The following LMNA variants were observed in gnomAD, a reference collection of about 807,000 sequenced individuals.
LMNA encodes the protein lamin A/C.
Under a neutral mutation model 70.4 loss-of-function variants are expected in LMNA, and 20 were observed. The ratio of observed to expected loss-of-function variants is 0.28; its 90% CI spans 0.20 to 0.41. The LOEUF (loss-of-function observed/expected upper bound fraction) is 0.41. Among genes scored for constraint, LMNA ranks in the 10% least tolerant of loss-of-function variants. LMNA has a pLI of 1.00. For missense variants in LMNA, 652 were observed against 917.2 expected (o/e 0.71, Z 3.73); for synonymous variants, 339 against 372.8 (o/e 0.91, Z 1.04).
chr1:156,096,624 G>C (rs753583735), intron 3 of LMNA, among the ~76,000 whole-genome samples: 8 of 152,248 alleles, frequency 5.3e-5, no homozygotes, highest in Non-Finnish European at 7.3e-5. Flanking sequence ...GAAGATGAAA[G>C]CTGTCTTTGG....
At chr1:156,131,800 CAT>C in intron 2 of LMNA, among the ~76,000 whole-genome samples, 1 of 152,282 alleles carries the variant, frequency 6.6e-6, no homozygotes, top group East Asian at 1.9e-4. Flanking sequence ...ACATATGGGA[CAT>C]GTGTTAATAA....
chr1:156,139,483 C>A lies in LMNA; in HGVS notation c.*377C>A. Reference sequence around the variant, plus strand: ...CTGCTTTTCTGCCCTGGCTGCTGCCCCCACCCCGGGGACCCTGTGACATGG... The same window carrying A: ...CTGCTTTTCTGCCCTGGCTGCTGCCACCACCCCGGGGACCCTGTGACATGG... On this transcript the variant is annotated 3_prime_UTR_variant, in exon 12 of 12. Coordinates refer to ENST00000368300, the MANE Select transcript of LMNA (RefSeq NM_170707.4). 3.0e-6 allele frequency: 4 copies of A among 1,327,590 alleles called. No homozygotes were observed. Among genetic ancestry groups the A allele is most frequent in the Non-Finnish European group, 3.8e-6 (4 of 1,040,596 alleles). 82.2% of individuals were successfully genotyped at this position (1,327,590 alleles called of 1,614,324 possible).
intron 3 of LMNA, among the ~76,000 whole-genome samples, chr1:156,100,149 G>C (rs1649092077): frequency 3.9e-5 from 6 of 152,116 alleles, no homozygotes; most frequent in Admixed American, 3.9e-4. Flanking sequence ...GCTGGAAGCA[G>C]GTTCCTCTCC....
chr1:156,120,893 G>A (rs1444409674), intron 1 of LMNA, among the ~76,000 whole-genome samples: 3 of 151,948 alleles, frequency 2.0e-5, no homozygotes, highest in Non-Finnish European at 4.4e-5. Flanking sequence ...ACTTGTCATG[G>A]GAATTGTCCA....
intron 3 of LMNA, among the ~76,000 whole-genome samples, chr1:156,105,893 CG>C (rs1467708848): frequency 1.3e-5 from 2 of 151,916 alleles, no homozygotes; most frequent in Non-Finnish European, 2.9e-5. Flanking sequence ...CCGAGGCAGG[CG>C]GATCACGAGG....
Position 156,086,310 on chromosome 1 carries a change from C to T in LMNA, c.-319+3126C>T, listed in dbSNP as rs180848026. On this transcript the variant is annotated intron_variant, in intron 2 of 12. Coordinates refer to the LMNA transcript ENST00000368301. Reference sequence around the variant, plus strand: ...TTGAAGTCACTTCTAGGTCTAGACTCGCTGAAATAAGGTCATTCTAAACAA... The same window carrying T: ...TTGAAGTCACTTCTAGGTCTAGACTTGCTGAAATAAGGTCATTCTAAACAA... 2.6e-5 allele frequency among the ~76,000 whole-genome samples: 4 copies of T among 152,250 alleles called. No individual in the cohort carries two copies. The East Asian group carries it at 5.8e-4, about 22-fold the overall frequency.
At chr1:156,101,668 G>A (rs1649148622) in intron 3 of LMNA, among the ~76,000 whole-genome samples, 1 of 141,254 alleles carries the variant, frequency 7.1e-6, no homozygotes, top group Admixed American at 7.0e-5. Flanking sequence ...GGGAGGGAGG[G>A]AGCGAGGGAA....
chr1:156,102,141 C>T (rs538946869), intron 3 of LMNA, among the ~76,000 whole-genome samples: 3 of 152,306 alleles, frequency 2.0e-5, no homozygotes, highest in South Asian at 2.1e-4. Flanking sequence ...TGGGGCAGGC[C>T]GGCCTTGATG....
chr1:156,107,303 A>AT (rs1649386536), intron 3 of LMNA, among the ~76,000 whole-genome samples: 1 of 152,160 alleles, frequency 6.6e-6, no homozygotes, highest in African/African-American at 2.4e-5. Flanking sequence ...GTAGGAACCC[A>AT]TGCCAGTCCC....
chr1:156,132,392 C>G (rs1469192657), intron 2 of LMNA, among the ~76,000 whole-genome samples: 1 of 151,972 alleles, frequency 6.6e-6, no homozygotes, highest in African/African-American at 2.4e-5. Context: ...ATCGCTTGAA[C>G]CCGGGAGGTG....
At chr1:156,126,731 A>G in intron 1 of LMNA, 1 of 1,562,488 alleles carries the variant, frequency 6.4e-7, no homozygotes, top group Non-Finnish European at 8.7e-7. Context: ...TCTTTCTGAG[A>G]TCAGATTTGC....
At chr1:156,109,920 T>C (rs1326494915), upstream of LMNA, among the ~76,000 whole-genome samples, 1 of 151,726 alleles carries the variant, frequency 6.6e-6, no homozygotes, top group Non-Finnish European at 1.5e-5. Context: ...CAATCACAGC[T>C]CACTGCAGCC....
chr1:156,105,967 GAAAACAA>G (rs1366707215), intron 3 of LMNA, among the ~76,000 whole-genome samples: 2 of 151,858 alleles, frequency 1.3e-5, no homozygotes, highest in Non-Finnish European at 2.9e-5. Context: ...AAAAAAAACA[GAAAACAA>G]AAAACAAAAA....
intron 2 of LMNA, among the ~76,000 whole-genome samples, chr1:156,088,444 G>A (rs1648566930): frequency 6.6e-6 from 1 of 152,026 alleles, no homozygotes; most frequent in South Asian, 2.1e-4. Flanking sequence ...CCCACCCTCG[G>A]TAAGACACAG....
intron 1 of LMNA, among the ~76,000 whole-genome samples, chr1:156,121,293 C>T (rs904293214): frequency 1.3e-5 from 2 of 152,004 alleles, no homozygotes; most frequent in Admixed American, 6.6e-5. Context: ...AAGCAGTCCA[C>T]CCACCTTGAC....
chr1:156,111,126 C>T (rs1373886824), upstream of LMNA, among the ~76,000 whole-genome samples: 3 of 152,062 alleles, frequency 2.0e-5, no homozygotes, highest in Admixed American at 6.5e-5. Flanking sequence ...AGAGGAGCCC[C>T]CCCACCCAAT....
chr1:156,094,710 C>G (rs1019838823), intron 3 of LMNA, among the ~76,000 whole-genome samples: 2 of 152,012 alleles, frequency 1.3e-5, no homozygotes, highest in African/African-American at 4.8e-5. Context: ...ACATATACCC[C>G]CAAGTCTGCT....
At chr1:156,130,498 C>T in intron 1 of LMNA, 119 bp from the exon 2 acceptor site, 1 of 1,103,702 alleles carries the variant, frequency 9.1e-7, no homozygotes, top group Non-Finnish European at 1.4e-6. Flanking sequence ...CAAGGATGCC[C>T]TCTCCTGGTA....
At chr1:156,133,463 C>T (rs113044442) in intron 2 of LMNA, among the ~76,000 whole-genome samples, 7,929 of 151,712 alleles carry the variant, frequency 0.052, 717 homozygotes, top group African/African-American at 0.18. Context: ...CCCAGCTACT[C>T]GGGAGACTGA....
Sources: gnomAD v4.1 joint callset for allele counts (sites outside exome capture counted in the v4.1 genomes callset) on GRCh38, gnomAD v4.1.1 for gene constraint, MANE v1.5 for transcripts, NCBI Gene and HGNC (gene_info 2026-07-23, HGNC 2026-07-21) for gene names.